The following RABGEF1 variants were observed in gnomAD, a reference collection of about 807,000 sequenced individuals.
The protein encoded by RABGEF1 is rab5 GDP/GTP exchange factor.
Under a neutral mutation model 57.3 loss-of-function variants are expected in RABGEF1, and 26 were observed. The ratio of observed to expected loss-of-function variants is 0.45; its 90% CI spans 0.33 to 0.63. RABGEF1 has a LOEUF of 0.63. Among genes scored for constraint, RABGEF1 ranks in the 20% least tolerant of loss-of-function variants. RABGEF1 has a pLI of 0.02. For missense variants in RABGEF1, 464 were observed against 607.6 expected, an observed-to-expected ratio of 0.76 and a Z score of 2.48; for synonymous variants, 185 against 210.7, an observed-to-expected ratio of 0.88 and a Z score of 1.06.
chr7:66,749,980 A>G (rs1736435887), intron 1 of RABGEF1, among the ~76,000 whole-genome samples: 2 of 152,120 alleles, frequency 1.3e-5, no homozygotes, highest in African/African-American at 2.4e-5. Context: ...TCTCAAAAAC[A>G]AACAAACAAA....
chr7:66,701,320 G>A (rs1793225037), intron 1 of RABGEF1, among the ~76,000 whole-genome samples: 2 of 151,988 alleles, frequency 1.3e-5, no homozygotes, highest in Admixed American at 1.3e-4. Context: ...GCAACATAGC[G>A]AGACCTCCAC....
At chr7:66,656,969 A>T in the RABGEF1 span, among the ~76,000 whole-genome samples, 1 of 152,344 alleles carries the variant, frequency 6.6e-6, no homozygotes, top group South Asian at 2.1e-4. Context: ...ATAATAATTT[A>T]AAACATATGT....
In RABGEF1 at chr7:66,701,618, C is replaced by T. The variant is rs533673212; in HGVS notation, c.-872-10549C>T. ...CCACCTCCTGGGTTCAAGCAATTCT[C>T]CTGCCTCAGCCACCCAAGTAGCTGG... On this transcript the variant is annotated intron_variant and NMD_transcript_variant, in intron 1 of 9. Coordinates refer to the RABGEF1 transcript ENST00000607882. Among the ~76,000 whole-genome samples, 8 of 151,670 alleles carry T rather than the reference C, an allele frequency of 5.3e-5. No individual in the cohort carries two copies. In the East Asian group the frequency reaches 7.8e-4, roughly 15 times the overall value.
At chr7:66,702,347 T>TTGTGTG (rs58655312) in intron 1 of RABGEF1, among the ~76,000 whole-genome samples, 6,325 of 143,880 alleles carry the variant, frequency 0.044, 154 homozygotes, top group South Asian at 0.063. Flanking sequence ...ATTGTTTTGT[T>TTGTGTG]TGTGTGTGTG....
intron 1 of RABGEF1, among the ~76,000 whole-genome samples, chr7:66,746,808 G>A (rs1271468865): frequency 2.0e-5 from 3 of 149,090 alleles, no homozygotes; most frequent in African/African-American, 7.4e-5. Context: ...TTTTGCTGGA[G>A]TGAGACTGAG....
chr7:66,744,698 G>A (rs1415556810), intron 1 of RABGEF1, among the ~76,000 whole-genome samples: 1 of 149,502 alleles, frequency 6.7e-6, no homozygotes, highest in African/African-American at 2.5e-5. Context: ...GATGCTTGAC[G>A]TGAATGTATA....
chr7:66,741,199 C>G (rs2129047606), intron 1 of RABGEF1, among the ~76,000 whole-genome samples: 1 of 152,318 alleles, frequency 6.6e-6, no homozygotes, highest in African/African-American at 2.4e-5. Context: ...GGGCCCCTCC[C>G]ACAACCTCCC....
At chr7:66,718,253 G>A (rs977944558) in intron 2 of RABGEF1, among the ~76,000 whole-genome samples, 7 of 152,152 alleles carry the variant, frequency 4.6e-5, no homozygotes, top group African/African-American at 1.7e-4. Context: ...GCTGAGGTGG[G>A]AGGATTGCTT....
intron 3 of RABGEF1, among the ~76,000 whole-genome samples, chr7:66,779,496 C>T (rs1330099001): frequency 6.6e-6 from 1 of 151,586 alleles, no homozygotes; most frequent in East Asian, 1.9e-4. Flanking sequence ...AATGTGAGGC[C>T]CCCATCTTTA....
rs140220507 is a variant in RABGEF1, at chr7:66,729,715, T to A, written c.-814-10281T>A. ...CTCCAGGTGGGTCTCCTGCCATCAC[T>A]AAATACTTCTTAATAACCAGGCATG... On this transcript the variant is annotated intron_variant and NMD_transcript_variant, in intron 2 of 9. Coordinates refer to the RABGEF1 transcript ENST00000607882. Among the ~76,000 whole-genome samples the A allele has an allele frequency of 2.0e-5, 3 of 152,320 alleles. No individual in the cohort carries two copies. In the East Asian group the frequency reaches 5.8e-4, roughly 29 times the overall value.
chr7:66,658,311 T>C, the RABGEF1 span, among the ~76,000 whole-genome samples: 1 of 152,038 alleles, frequency 6.6e-6, no homozygotes, highest in Non-Finnish European at 1.5e-5. Flanking sequence ...GGTAGGCGGA[T>C]CACCTGAGAT....
At chr7:66,674,907 T>G in the RABGEF1 span, among the ~76,000 whole-genome samples, 5 of 151,280 alleles carry the variant, frequency 3.3e-5, no homozygotes, top group Admixed American at 6.6e-5. Flanking sequence ...AACTGTACAG[T>G]TAATATGTGT....
At chr7:66,705,076 A>G (rs2117300571) in intron 1 of RABGEF1, among the ~76,000 whole-genome samples, 1 of 152,058 alleles carries the variant, frequency 6.6e-6, no homozygotes, top group East Asian at 1.9e-4. Context: ...TTTTCACTTC[A>G]AATTCTATTT....
At chr7:66,772,209 GT>G (rs970312785) in intron 2 of RABGEF1, 131 bp downstream of exon 2, 2 of 646,518 alleles carry the variant, frequency 3.1e-6, no homozygotes, top group Admixed American at 4.3e-5. Context: ...GGAAAAGGAT[GT>G]TTTCCTCTCT....
chr7:66,675,028 A>G, the RABGEF1 span, among the ~76,000 whole-genome samples: 1 of 152,148 alleles, frequency 6.6e-6, no homozygotes, highest in Non-Finnish European at 1.5e-5. Flanking sequence ...TATACCTAAT[A>G]ATAGTAATTA....
At chr7:66,802,433 TAC>T (rs775758089) in intron 7 of RABGEF1, among the ~76,000 whole-genome samples, 13 of 152,326 alleles carry the variant, frequency 8.5e-5, no homozygotes, top group Middle Eastern at 3.4e-3. Flanking sequence ...ATGGAGCGTA[TAC>T]TTAGCTCTGT....
rs558410876 is a variant in RABGEF1, at chr7:66,797,390, C to T, written c.612C>T (p.Val204=). The T allele has an allele frequency of 1.2e-4, 200 of 1,609,554 alleles. 2 individuals carry two copies. The South Asian group carries it at 2.0e-3, about 16-fold the overall frequency. Residue 204 remains valine, a synonymous_variant, in exon 6 of 9, where the codon GTC becomes GTT. Coordinates refer to ENST00000284957, the MANE Select transcript of RABGEF1 (RefSeq NM_014504.3). ...QTRGKVPPER[V]EKIMDQIEKY... ...TTATTTCAGTGCCTCCAGAAAGAGT[C>T]GAGAAGATAATGGATCAGATTGAAA...
chr7:66,805,864 C>G (rs1788317221), intron 8 of RABGEF1, among the ~76,000 whole-genome samples: 1 of 151,984 alleles, frequency 6.6e-6, no homozygotes, highest in Non-Finnish European at 1.5e-5. Flanking sequence ...CTCACCTCAG[C>G]CTGCTGTGAA....
At chr7:66,702,406 CT>C (rs2117269113) in intron 1 of RABGEF1, among the ~76,000 whole-genome samples, 1 of 147,348 alleles carries the variant, frequency 6.8e-6, no homozygotes, top group East Asian at 2.0e-4. Context: ...CCTTTAGGGT[CT>C]GACTTTTGGG....
Sources: allele counts gnomAD v4.1 joint callset (sites outside exome capture counted in the v4.1 genomes callset), GRCh38; gene constraint gnomAD v4.1.1; transcripts MANE v1.5; gene names NCBI Gene and HGNC (gene_info 2026-07-23, HGNC 2026-07-21).